HDAC9: variants seen among roughly 807,000 people sequenced by gnomAD.
HDAC9 encodes the protein MEF-2 interacting transcription repressor (MITR) protein.
HDAC9 carries 41 observed loss-of-function variants against 139.4 expected under a neutral mutation model. The observed-to-expected ratio is 0.29, with a 90% CI of 0.23 to 0.38. The LOEUF is 0.38. Among genes scored for constraint, HDAC9 ranks in the 10% least tolerant of loss-of-function variants. The pLI, the probability that HDAC9 is intolerant of heterozygous loss-of-function variation, is 1.00. For synonymous variants in HDAC9, 517 were observed against 476.2 expected (o/e 1.09, Z -1.12); for missense variants, 1,147 against 1,297.0 (o/e 0.88, Z 1.78).
intron 1 of HDAC9, among the ~76,000 whole-genome samples, chr7:18,311,464 A>G (rs1016628340): frequency 5.3e-5 from 8 of 152,142 alleles, no homozygotes; most frequent in Non-Finnish European, 1.2e-4. Flanking sequence ...TGATTTCATT[A>G]CTCACATTAA....
In HDAC9 at chr7:18,805,541, A is replaced by G. The variant is rs953443881; in HGVS notation, c.2322+12089A>G. On this transcript the variant is annotated intron_variant, in intron 17 of 25. Coordinates refer to ENST00000686413, the MANE Select transcript of HDAC9 (RefSeq NM_178425.4). ...CCCTGCGGGCCAGTGGACACTGCGC[A>G]GAAGCCAATTTTAATCATGAAAGGA... Among the ~76,000 whole-genome samples the G allele has an allele frequency of 3.9e-5, 6 of 152,228 alleles. No individual in the cohort carries two copies. In the East Asian group the frequency reaches 1.2e-3, roughly 29 times the overall value.
At chr7:18,421,363 G>A (rs1342112874) in intron 1 of HDAC9, among the ~76,000 whole-genome samples, 2 of 150,722 alleles carry the variant, frequency 1.3e-5, no homozygotes, top group Non-Finnish European at 3.0e-5. Context: ...GAAGGAAGGG[G>A]GAAGGGAGGG....
At chr7:18,248,324 G>A (rs1794691483) in intron 2 of HDAC9, among the ~76,000 whole-genome samples, 1 of 152,158 alleles carries the variant, frequency 6.6e-6, no homozygotes, top group African/African-American at 2.4e-5. Context: ...TGGGAAGCAG[G>A]CAAACACCTG....
At chr7:18,107,275 T>G (rs1783281932) in intron 1 of HDAC9, among the ~76,000 whole-genome samples, 1 of 152,180 alleles carries the variant, frequency 6.6e-6, no homozygotes, top group Non-Finnish European at 1.5e-5. Context: ...AGCTGCTTAG[T>G]GATAACTGCT....
chr7:18,169,189 G>A (rs1788230179), intron 2 of HDAC9, among the ~76,000 whole-genome samples: 1 of 151,888 alleles, frequency 6.6e-6, no homozygotes, highest in African/African-American at 2.4e-5. Context: ...CACCCACCTC[G>A]GCCTCCCAAA....
intron 21 of HDAC9, among the ~76,000 whole-genome samples, chr7:18,867,455 A>G (rs1174469819): frequency 6.6e-6 from 1 of 152,216 alleles, no homozygotes; most frequent in Non-Finnish European, 1.5e-5. Flanking sequence ...AATGTTTTAA[A>G]GTATTTAAGT....
intron 2 of HDAC9, among the ~76,000 whole-genome samples, chr7:18,176,988 G>A (rs1387517299): frequency 6.6e-6 from 1 of 152,196 alleles, no homozygotes; most frequent in Non-Finnish European, 1.5e-5. Context: ...CATAACTTGA[G>A]TTAGGTAATG....
At chr7:18,137,982 A>C (rs11767808) in intron 1 of HDAC9, among the ~76,000 whole-genome samples, 33,725 of 151,148 alleles carry the variant, frequency 0.22, 3,941 homozygotes, top group South Asian at 0.34. Context: ...ACAATTTCAG[A>C]TCCTGTTATT....
At chr7:18,417,615 C>A (rs2128749709) in intron 1 of HDAC9, among the ~76,000 whole-genome samples, 1 of 152,216 alleles carries the variant, frequency 6.6e-6, no homozygotes, top group South Asian at 2.1e-4. Context: ...AGGACTAATG[C>A]AGTGTTTAGT....
intron 22 of HDAC9, among the ~76,000 whole-genome samples, chr7:18,932,016 G>T (rs1054344778): frequency 6.6e-6 from 1 of 152,064 alleles, no homozygotes; most frequent in African/African-American, 2.4e-5. Context: ...ATCGGTACTG[G>T]CTTATCAATC....
At chr7:18,231,497 G>T (rs1363231698) in intron 2 of HDAC9, among the ~76,000 whole-genome samples, 2 of 152,234 alleles carry the variant, frequency 1.3e-5, no homozygotes, top group Middle Eastern at 3.4e-3. Flanking sequence ...AAGTATTCAA[G>T]AATCCCTTAA....
At chr7:18,877,443 T>G (rs998811901) in intron 22 of HDAC9, among the ~76,000 whole-genome samples, 7 of 152,222 alleles carry the variant, frequency 4.6e-5, no homozygotes, top group African/African-American at 1.7e-4. Flanking sequence ...GATTCTAAAG[T>G]AAAAAGTAGG....
At chr7:18,992,705 CCT>C (rs997109879) in intron 25 of HDAC9, among the ~76,000 whole-genome samples, 1 of 151,792 alleles carries the variant, frequency 6.6e-6, no homozygotes, top group Non-Finnish European at 1.5e-5. Flanking sequence ...GAAATTACTT[CCT>C]TTTTTTTTTA....
At chr7:18,269,360 T>G (rs960445250) in intron 2 of HDAC9, among the ~76,000 whole-genome samples, 4 of 152,190 alleles carry the variant, frequency 2.6e-5, no homozygotes, top group Non-Finnish European at 5.9e-5. Flanking sequence ...AGAGGTAATT[T>G]TCCAAGCAAT....
chr7:18,261,932 G>A (rs1348716999), intron 2 of HDAC9, among the ~76,000 whole-genome samples: 4 of 152,138 alleles, frequency 2.6e-5, no homozygotes, highest in African/African-American at 9.7e-5. Context: ...CTGCTTATTA[G>A]TGCAATCTGG....
At chr7:18,942,943 T>TA (rs765297032) in intron 23 of HDAC9, among the ~76,000 whole-genome samples, 12 of 151,090 alleles carry the variant, frequency 7.9e-5, no homozygotes, top group African/African-American at 1.2e-4. Context: ...TTTAATAAAA[T>TA]AAAAAAAATT....
chr7:18,584,802 A>G (rs989581020), intron 2 of HDAC9, among the ~76,000 whole-genome samples: 2 of 152,232 alleles, frequency 1.3e-5, no homozygotes, highest in East Asian at 1.9e-4. Flanking sequence ...AATACGTTAT[A>G]TTACAACCTT....
intron 2 of HDAC9, among the ~76,000 whole-genome samples, chr7:18,180,220 GACACATACACACACACACACAC>G (rs1330113711): frequency 4.4e-5 from 4 of 91,054 alleles, no homozygotes; most frequent in African/African-American, 1.3e-4. Flanking sequence ...CCCTCCCCAA[GACACATACACACACACACACAC>G]ACACACACAC....
chr7:18,383,408 G>T (rs1282762409), intron 1 of HDAC9, among the ~76,000 whole-genome samples: 1 of 152,172 alleles, frequency 6.6e-6, no homozygotes, highest in Non-Finnish European at 1.5e-5. Flanking sequence ...AAGTTGGCAC[G>T]TGGATTAAAA....
Sources: gnomAD v4.1 joint callset for allele counts (sites outside exome capture counted in the v4.1 genomes callset) on GRCh38, gnomAD v4.1.1 for gene constraint, MANE v1.5 for transcripts, NCBI Gene and HGNC (gene_info 2026-07-23, HGNC 2026-07-21) for gene names.